The following GALNT5 variants were observed in gnomAD, a reference collection of about 807,000 sequenced individuals.
GALNT5 encodes UDP-GalNAc:polypeptide N-acetylgalactosaminyltransferase 5.
Under a neutral mutation model 85.4 loss-of-function variants are expected in GALNT5, and 72 were observed. The observed-to-expected ratio is 0.84, with a 90% CI of 0.70 to 1.03. The LOEUF (loss-of-function observed/expected upper bound fraction) is 1.03, where lower values mean the gene tolerates loss of function less well. Ranked by LOEUF, GALNT5 falls within the 50% of genes least tolerant of loss-of-function variation. The pLI is 0.00. For missense variants in GALNT5, 1,137 were observed against 1,135.5 expected, an observed-to-expected ratio of 1.00 and a Z score of -0.02; for synonymous variants, 404 against 397.0, an observed-to-expected ratio of 1.02 and a Z score of -0.21.
chr2:157,290,147 A>C (rs987040413), intron 3 of GALNT5, among the ~76,000 whole-genome samples: 1 of 150,940 alleles, frequency 6.6e-6, no homozygotes. Context: ...ATATATGCAT[A>C]TGTATCTACA....
At chr2:157,260,037 T>C (rs1335556746) in intron 1 of GALNT5, among the ~76,000 whole-genome samples, 1 of 152,200 alleles carries the variant, frequency 6.6e-6, no homozygotes, top group Non-Finnish European at 1.5e-5. Flanking sequence ...ATAAGCAGGA[T>C]AGCAAGAGAA....
chr2:157,282,518 A>G (rs1003708937), intron 1 of GALNT5, among the ~76,000 whole-genome samples: 2 of 152,336 alleles, frequency 1.3e-5, no homozygotes, highest in Admixed American at 1.3e-4. Flanking sequence ...TATGAAGCAC[A>G]GCTGGATTTG....
At chr2:157,293,812 C>T (rs1371901221) in intron 3 of GALNT5, among the ~76,000 whole-genome samples, 4 of 152,212 alleles carry the variant, frequency 2.6e-5, no homozygotes, top group Admixed American at 2.6e-4. Flanking sequence ...TAACTATCCT[C>T]ATCTTGTTCT....
At chr2:157,262,022 A>G (rs1682352472) in intron 1 of GALNT5, among the ~76,000 whole-genome samples, 1 of 152,158 alleles carries the variant, frequency 6.6e-6, no homozygotes, top group Non-Finnish European at 1.5e-5. Context: ...TAACTGTAAG[A>G]ATACAGGAGG....
rs1366516857 is a variant in GALNT5, at chr2:157,300,809, A to G, written c.2249A>G (p.Glu750Gly). Residue 750 changes from glutamate to glycine, a missense_variant, in exon 7 of 10, where the codon GAG becomes GGG. By Grantham distance (98) the Glu-to-Gly change is moderately conservative (BLOSUM62 -2). Coordinates refer to ENST00000259056, the MANE Select transcript of GALNT5 (RefSeq NM_014568.3). The stretch of plus-strand genomic sequence containing the variant: ...GAGCGGAACTTGGTGCGGGTTGCCG[A>G]GGTCTGGCTGGATGAGTATAAGGAG... ...TVERNLVRVAEVWLDEYKELF... is the reference protein window; with the variant it reads ...TVERNLVRVAGVWLDEYKELF... 2.5e-6 allele frequency: 4 copies of G among 1,614,092 alleles called. No homozygotes were observed. Among genetic ancestry groups the G allele is most frequent in the Non-Finnish European group, 3.4e-6 (4 of 1,179,996 alleles).
intron 1 of GALNT5, among the ~76,000 whole-genome samples, chr2:157,279,637 G>C (rs1031847995): frequency 9.9e-5 from 15 of 152,232 alleles, no homozygotes; most frequent in African/African-American, 3.6e-4. Context: ...GCACAGGAAA[G>C]AATCTCTGGG....
At chr2:157,264,936 T>C (rs1682425726) in intron 1 of GALNT5, among the ~76,000 whole-genome samples, 2 of 152,174 alleles carry the variant, frequency 1.3e-5, no homozygotes, top group Admixed American at 6.5e-5. Context: ...ATTTTGTGAC[T>C]AATAGTGATT....
intron 1 of GALNT5, among the ~76,000 whole-genome samples, chr2:157,268,710 G>C (rs550260860): frequency 1.3e-5 from 2 of 152,138 alleles, no homozygotes; most frequent in African/African-American, 4.8e-5. Context: ...CTAAGTGCAG[G>C]ATAGTGAAAC....
intron 3 of GALNT5, among the ~76,000 whole-genome samples, chr2:157,293,428 T>C (rs1258730224): frequency 3.3e-5 from 5 of 152,184 alleles, no homozygotes; most frequent in Non-Finnish European, 7.3e-5. Flanking sequence ...CATGATCTTA[T>C]CACAAAGGCC....
chr2:157,269,407 C>A lies in GALNT5; in HGVS notation c.1454+9871C>A, dbSNP rs538320349. On this transcript the variant is annotated intron_variant, in intron 1 of 9. Transcript: ENST00000259056. Reference sequence around the variant, plus strand: ...TCTCTTTTGGGTCCCTCTTTCCCATCCTGTAATATTGCTTTTACCAGGCAC... The same window carrying A: ...TCTCTTTTGGGTCCCTCTTTCCCATACTGTAATATTGCTTTTACCAGGCAC... Among the ~76,000 whole-genome samples the A allele has an allele frequency of 6.6e-5, 10 of 152,296 alleles. No individual in the cohort carries two copies. The South Asian group carries it at 2.1e-3, about 32-fold the overall frequency.
chr2:157,282,438 T>G (rs1347933600), intron 1 of GALNT5, among the ~76,000 whole-genome samples: 1 of 152,196 alleles, frequency 6.6e-6, no homozygotes, highest in East Asian at 1.9e-4. Flanking sequence ...GGCTGAGGAT[T>G]GGATATTTAT....
intron 1 of GALNT5, among the ~76,000 whole-genome samples, chr2:157,259,788 G>A (rs370169917): frequency 6.6e-6 from 1 of 152,168 alleles, no homozygotes. Context: ...TCCCTCTGTT[G>A]AAAACCTATT....
chr2:157,306,684 T>C (rs1480657201), intron 8 of GALNT5, among the ~76,000 whole-genome samples: 4 of 152,230 alleles, frequency 2.6e-5, no homozygotes, highest in Non-Finnish European at 5.9e-5. Flanking sequence ...AATGGTAATC[T>C]AGGCTTGTTA....
At chr2:157,262,228 G>A (rs1042503275) in intron 1 of GALNT5, among the ~76,000 whole-genome samples, 23 of 144,370 alleles carry the variant, frequency 1.6e-4, no homozygotes, top group Admixed American at 9.7e-4. Context: ...AAAAAAAAGC[G>A]CACAGATTTG....
intron 1 of GALNT5, among the ~76,000 whole-genome samples, chr2:157,282,318 C>G (rs981320945): frequency 2.0e-5 from 3 of 151,928 alleles, no homozygotes; most frequent in Non-Finnish European, 4.4e-5. Context: ...ATTTGTGAGT[C>G]ATTCTTTTGT....
At chr2:157,269,919 G>T (rs563618067) in intron 1 of GALNT5, among the ~76,000 whole-genome samples, 1 of 151,918 alleles carries the variant, frequency 6.6e-6, no homozygotes, top group South Asian at 2.1e-4. Context: ...GGTTTATGCC[G>T]AATTTGTGTA....
chr2:157,266,431 T>C (rs890337808), intron 1 of GALNT5, among the ~76,000 whole-genome samples: 1 of 152,172 alleles, frequency 6.6e-6, no homozygotes, highest in Admixed American at 6.5e-5. Flanking sequence ...GTGACCATCA[T>C]CACCTGCAAG....
At position 157,270,438 on chromosome 2, in the gene GALNT5, C is replaced by T. The variant is rs897825991; in HGVS notation, c.1454+10902C>T. Among the ~76,000 whole-genome samples, 236 of 152,302 alleles carry T rather than the reference C, an allele frequency of 1.5e-3. 1 individual carries two copies. The highest frequency in any genetic ancestry group is 5.4e-3 in the African/African-American group (224 of 41,570). On this transcript the variant is annotated intron_variant, in intron 1 of 9. Transcript: ENST00000259056. Reference sequence around the variant, plus strand: ...GTATCTGTCCAAAATATTCTCCATTCTCCTCAAGCCCCTAGCCTATTACAT... The same window carrying T: ...GTATCTGTCCAAAATATTCTCCATTTTCCTCAAGCCCCTAGCCTATTACAT...
chr2:157,270,391 G>A (rs1202432345), intron 1 of GALNT5, among the ~76,000 whole-genome samples: 4 of 152,164 alleles, frequency 2.6e-5, no homozygotes, highest in Non-Finnish European at 5.9e-5. Flanking sequence ...TAGCTGGCCA[G>A]CATTCTCTCC....
Sources: gnomAD v4.1 joint callset for allele counts (sites outside exome capture counted in the v4.1 genomes callset) on GRCh38, gnomAD v4.1.1 for gene constraint, MANE v1.5 for transcripts, NCBI Gene and HGNC (gene_info 2026-07-23, HGNC 2026-07-21) for gene names.